DSCAML1: variants seen among roughly 807,000 people sequenced by gnomAD.
The protein encoded by DSCAML1 is DS cell adhesion molecule like 1, also known as cell adhesion molecule DSCAML1.
A neutral mutation model predicts 200.5 loss-of-function variants in DSCAML1; 38 were observed. The ratio of observed to expected loss-of-function variants is 0.19; its 90% CI spans 0.15 to 0.25. The LOEUF is 0.25. Ranked by LOEUF, DSCAML1 falls within the 10% of genes least tolerant of loss-of-function variation. The pLI is 1.00. For missense variants in DSCAML1, 2,223 were observed against 2,858.8 expected, an observed-to-expected ratio of 0.78 and a Z score of 5.07; for synonymous variants, 1,215 against 1,165.0, an observed-to-expected ratio of 1.04 and a Z score of -0.87.
intron 3 of DSCAML1, among the ~76,000 whole-genome samples, chr11:117,551,166 G>A (rs1474927935): frequency 6.6e-6 from 1 of 152,222 alleles, no homozygotes. Flanking sequence ...AACGTGTAAA[G>A]AAAAAGATAT....
At chr11:117,584,073 AC>A (rs967157377) in intron 3 of DSCAML1, among the ~76,000 whole-genome samples, 1 of 146,834 alleles carries the variant, frequency 6.8e-6, no homozygotes, top group African/African-American at 2.5e-5. Flanking sequence ...CTCCTCTCCT[AC>A]CCCCCTGTGC....
rs947789480 is a variant in DSCAML1, at chr11:117,463,026, A to G, written c.3266-1430T>C. ...GGGCCTGGCGTGGCCCGGGTGGTGC[A>G]TGGGAGCTTAGCGTTAGGTGGGGCA... On this transcript the variant is annotated intron_variant, in intron 17 of 32. Coordinates refer to ENST00000651296, the MANE Select transcript of DSCAML1 (RefSeq NM_020693.4). This position sits in a 1 kb window ranked among gnomAD's most constrained non-coding sequence, Gnocchi z 4.0. Among the ~76,000 whole-genome samples the G allele has an allele frequency of 6.6e-6, 1 of 152,212 alleles. No individual in the cohort carries two copies. The highest frequency in any genetic ancestry group is 2.4e-5 in the African/African-American group (1 of 41,462).
At chr11:117,511,355 A>C (rs2137291514) in intron 8 of DSCAML1, among the ~76,000 whole-genome samples, 1 of 152,290 alleles carries the variant, frequency 6.6e-6, no homozygotes, top group South Asian at 2.1e-4. Flanking sequence ...GCTCAGATGT[A>C]GGAATGGAGA....
intron 1 of DSCAML1, among the ~76,000 whole-genome samples, chr11:117,795,167 T>G (rs1309310020): frequency 1.3e-5 from 2 of 152,154 alleles, no homozygotes; most frequent in Non-Finnish European, 2.9e-5. Context: ...AGGGGCCTCC[T>G]GCACTCCCCG....
chr11:117,700,033 C>A (rs2053641813), intron 3 of DSCAML1, among the ~76,000 whole-genome samples: 1 of 152,154 alleles, frequency 6.6e-6, no homozygotes, highest in Non-Finnish European at 1.5e-5. Context: ...CAGGAGGTCA[C>A]TTAATAAAGA....
intron 11 of DSCAML1, among the ~76,000 whole-genome samples, chr11:117,486,911 C>CTTTTTTTTTTTTTTTTTTT (rs56805170): frequency 1.3e-5 from 1 of 79,668 alleles, no homozygotes; most frequent in Non-Finnish European, 2.3e-5. Flanking sequence ...TGTAAAATAC[C>CTTTTTTTTTTTTTTTTTTT]TTTTTTTTTT....
chr11:117,748,025 C>T (rs1226775928), intron 3 of DSCAML1, among the ~76,000 whole-genome samples: 1 of 152,168 alleles, frequency 6.6e-6, no homozygotes, highest in East Asian at 1.9e-4. Flanking sequence ...CCAAGAAGGG[C>T]ACAGGCTTTC....
chr11:117,572,370 G>A (rs1242164905), intron 3 of DSCAML1, among the ~76,000 whole-genome samples: 1 of 152,246 alleles, frequency 6.6e-6, no homozygotes, highest in Non-Finnish European at 1.5e-5. Flanking sequence ...ATGTCACCCA[G>A]CTGGCTGGTG....
At position 117,521,404 on chromosome 11, in the gene DSCAML1, AT is replaced by A; in HGVS notation, c.938del (p.Asp313ValfsTer5). Reference sequence around the variant, plus strand: ...TTGGTGTCAGGGTCACATGAAGGGGATCTGGGCCGGGCCAGGGAGACGTGAG... The same window carrying A: ...TTGGTGTCAGGGTCACATGAAGGGGACTGGGCCGGGCCAGGGAGACGTGAG... ...AEATGILMVI[D>X]PLHVTLTPKK... On this transcript the variant is annotated frameshift_variant and splice_region_variant, in exon 6 of 33. Coordinates refer to ENST00000651296, the MANE Select transcript of DSCAML1 (RefSeq NM_020693.4). LOFTEE classifies it high-confidence loss of function. 6.2e-7 allele frequency: 1 copy of A among 1,611,654 alleles called. No individual in the cohort carries two copies. Among genetic ancestry groups the A allele is most frequent in the Non-Finnish European group, 8.5e-7 (1 of 1,178,116 alleles).
intron 3 of DSCAML1, among the ~76,000 whole-genome samples, chr11:117,673,334 G>A (rs1389907375): frequency 1.3e-5 from 2 of 152,168 alleles, no homozygotes; most frequent in Admixed American, 6.5e-5. Flanking sequence ...TTTACGTTAA[G>A]CATCTTCCTG....
At chr11:117,447,583 T>C (rs115259920) in intron 20 of DSCAML1, among the ~76,000 whole-genome samples, 50 of 152,344 alleles carry the variant, frequency 3.3e-4, no homozygotes, top group African/African-American at 1.1e-3. Flanking sequence ...AATTGCATTA[T>C]TTTTATAATC....
In DSCAML1 at chr11:117,720,525, G is replaced by A. The variant is rs114426585; in HGVS notation, c.511+56266C>T. Among the ~76,000 whole-genome samples the A allele has an allele frequency of 4.6e-3, 704 of 152,316 alleles. 6 individuals are homozygous for A. The Middle Eastern group carries it at 0.051, about 11-fold the overall frequency. On this transcript the variant is annotated intron_variant, in intron 3 of 32. Transcript: ENST00000651296. ...CTCTCCCAGGGCTCCAAGAGAACAC[G>A]CGAATGAAGGGGGTAAAAACTGAAC...
chr11:117,523,441 C>T (rs575551362), intron 5 of DSCAML1, among the ~76,000 whole-genome samples: 1 of 152,286 alleles, frequency 6.6e-6, no homozygotes, highest in South Asian at 2.1e-4. Flanking sequence ...GAGAGGAACC[C>T]CCAGGCCCCT....
intron 3 of DSCAML1, among the ~76,000 whole-genome samples, chr11:117,660,703 A>G (rs2052828751): frequency 6.6e-6 from 1 of 152,162 alleles, no homozygotes; most frequent in African/African-American, 2.4e-5. Flanking sequence ...GGCACCATTC[A>G]CCATTATTAG....
At chr11:117,429,053 G>C (rs1020024943) in intron 32 of DSCAML1, among the ~76,000 whole-genome samples, 5 of 152,206 alleles carry the variant, frequency 3.3e-5, no homozygotes, top group African/African-American at 1.2e-4. Context: ...TGAGGTGAGG[G>C]AGGTAAAGTG....
Position 117,507,757 on chromosome 11 carries a change from T to TGATCCACCTTATTCCA in DSCAML1, c.1784-2041_1784-2026dup, listed in dbSNP as rs1555178608. On this transcript the variant is annotated intron_variant, in intron 8 of 32. Transcript: ENST00000651296. ...GGGCTCCTCACCTACCAGCTGGCTT[T>TGATCCACCTTATTCCA]GATCCACCTTATTCCAGATCCACCT... Among the ~76,000 whole-genome samples, 10 of 152,310 alleles carry TGATCCACCTTATTCCA rather than the reference T, an allele frequency of 6.6e-5. No individual in the cohort carries two copies. In the East Asian group the frequency reaches 1.9e-3, roughly 29 times the overall value.
chr11:117,468,659 T>C (rs1367786591), intron 16 of DSCAML1, among the ~76,000 whole-genome samples: 1 of 152,130 alleles, frequency 6.6e-6, no homozygotes, highest in Non-Finnish European at 1.5e-5. Flanking sequence ...TGGCTCCAGG[T>C]ATCCACTAGG....
upstream of DSCAML1, among the ~76,000 whole-genome samples, chr11:117,800,116 A>T (rs1190641176): frequency 2.6e-5 from 4 of 152,196 alleles, no homozygotes; most frequent in African/African-American, 4.8e-5. Flanking sequence ...TGTGTTTCCC[A>T]TTGATTTTGT....
At chr11:117,462,896 CTG>C (rs2137153746) in intron 17 of DSCAML1, among the ~76,000 whole-genome samples, 1 of 152,348 alleles carries the variant, frequency 6.6e-6, no homozygotes, top group South Asian at 2.1e-4. Context: ...CCCCTCTCCT[CTG>C]TTTTGAAAAT....
Sources: allele counts gnomAD v4.1 joint callset (sites outside exome capture counted in the v4.1 genomes callset), GRCh38; gene constraint gnomAD v4.1.1; non-coding constraint Gnocchi (gnomAD v3.1); transcripts MANE v1.5; gene names NCBI Gene and HGNC (gene_info 2026-07-23, HGNC 2026-07-21).